The following NUTM2B variants were observed in gnomAD, a reference collection of about 807,000 sequenced individuals.
The protein encoded by NUTM2B is family with sequence similarity 22, member B.
NUTM2B carries 2 observed loss-of-function variants against 42.4 expected under a neutral mutation model. The observed-to-expected ratio is 0.05, with a 90% confidence interval of 0.02 to 0.15. The LOEUF is 0.15. NUTM2B is among the 10% of genes least tolerant of loss of function. The pLI, the probability that NUTM2B is intolerant of heterozygous loss-of-function variation, is 1.00. For missense variants in NUTM2B, 58 were observed against 952.6 expected, an observed-to-expected ratio of 0.06 and a Z score of 12.36; for synonymous variants, 18 against 402.4, an observed-to-expected ratio of 0.04 and a Z score of 11.43.
the NUTM2B span, among the ~76,000 whole-genome samples, chr10:79,696,763 G>A: frequency 6.6e-6 from 1 of 152,218 alleles, no homozygotes; most frequent in Admixed American, 6.5e-5. Flanking sequence ...ACCTGATATA[G>A]GCACTAGCAT....
At chr10:79,700,788 C>A (rs891723790), upstream of NUTM2B, among the ~76,000 whole-genome samples, 4 of 152,220 alleles carry the variant, frequency 2.6e-5, no homozygotes, top group African/African-American at 9.6e-5. Flanking sequence ...CGCGCTGGAA[C>A]CTCGCCCGCC....
At chr10:79,707,055 G>C (rs1205236915) in intron 2 of NUTM2B, among the ~76,000 whole-genome samples, 2 of 122,188 alleles carry the variant, frequency 1.6e-5, no homozygotes, top group Non-Finnish European at 3.3e-5. Context: ...TACGGTTTGG[G>C]TTTAGGTCTT....
chr10:79,692,216 T>C, the NUTM2B span, among the ~76,000 whole-genome samples: 1 of 152,220 alleles, frequency 6.6e-6, no homozygotes, highest in Non-Finnish European at 1.5e-5. Context: ...AAATGGGCAG[T>C]TATGTTCCGT....
the NUTM2B span, among the ~76,000 whole-genome samples, chr10:79,698,174 A>AC: frequency 2.0e-5 from 3 of 149,000 alleles, 1 homozygote; most frequent in African/African-American, 7.4e-5. Context: ...ACAAAAAAAA[A>AC]AAAACCACAA....
At chr10:79,709,410 C>G (rs145573284) in intron 3 of NUTM2B, among the ~76,000 whole-genome samples, 19,851 of 131,842 alleles carry the variant, frequency 0.15, 4,834 homozygotes, top group East Asian at 0.42. Flanking sequence ...TCCCAGGCCT[C>G]GTGCCCCTGG....
At chr10:79,695,309 A>C in the NUTM2B span, among the ~76,000 whole-genome samples, 1 of 152,190 alleles carries the variant, frequency 6.6e-6, no homozygotes, top group Non-Finnish European at 1.5e-5. Context: ...CCTCAGGCTG[A>C]GTATACATTT....
At chr10:79,695,006 G>A in the NUTM2B span, among the ~76,000 whole-genome samples, 6 of 152,176 alleles carry the variant, frequency 3.9e-5, no homozygotes, top group Non-Finnish European at 7.3e-5. Context: ...AGGCCGGAGC[G>A]AATCTGGCTG....
At chr10:79,707,483 G>A (rs1233332593) in intron 2 of NUTM2B, among the ~76,000 whole-genome samples, 5 of 124,220 alleles carry the variant, frequency 4.0e-5, no homozygotes, top group Admixed American at 8.5e-5. Context: ...CCAAAGCCAC[G>A]GGCTCCAGTG....
chr10:79,699,743 C>T (rs1201967283), upstream of NUTM2B, among the ~76,000 whole-genome samples: 1 of 152,142 alleles, frequency 6.6e-6, no homozygotes. Flanking sequence ...GTGCCCGGCC[C>T]AGTTATGACA....
chr10:79,709,754 G>T lies in NUTM2B; in HGVS notation c.1212-46G>T, dbSNP rs1258701274. The T allele has an allele frequency of 8.8e-6, 5 of 568,192 alleles. 1 individual carries two copies. In the East Asian group the frequency reaches 1.9e-4, roughly 21 times the overall value. 35.2% of individuals were successfully genotyped at this position (568,192 alleles called of 1,614,324 possible). A position where few individuals can be genotyped will look rare whatever the true frequency, so the allele number is the denominator to read the frequency against. On this transcript the variant is annotated intron_variant, in intron 3 of 6. Coordinates refer to ENST00000429828, the Ensembl canonical transcript of NUTM2B. ...GGCCGCTGCCTGGTCCTGCGGGGAG[G>T]GGGCCTGGACCCTCTCAGCACAGCC...
chr10:79,710,922 GTGTT>G (rs1478865049), intron 5 of NUTM2B, among the ~76,000 whole-genome samples, 158 bp downstream of exon 5: 2 of 133,120 alleles, frequency 1.5e-5, no homozygotes, highest in African/African-American at 2.8e-5. Flanking sequence ...GTGTTGCTGT[GTGTT>G]TGTGTCTGTG....
At chr10:79,709,665 G>A in intron 3 of NUTM2B, 135 bp from the exon 4 acceptor site, 1 of 1,279,660 alleles carries the variant, frequency 7.8e-7, no homozygotes, top group Non-Finnish European at 1.0e-6. Context: ...CCTGGGACTG[G>A]GGGATGGGAC....
the NUTM2B span, among the ~76,000 whole-genome samples, chr10:79,695,464 C>G: frequency 6.6e-6 from 1 of 152,204 alleles, no homozygotes; most frequent in African/African-American, 2.4e-5. Flanking sequence ...AACACATATT[C>G]TCAACACTGG....
chr10:79,711,956 G>A (rs1840507457), exon 7 of NUTM2B: 1 of 1,488,316 alleles, frequency 6.7e-7, no homozygotes, highest in Non-Finnish European at 9.0e-7. Flanking sequence ...CTTTTGGGAT[G>A]TCAGGATTCC....
intron 2 of NUTM2B, among the ~76,000 whole-genome samples, 174 bp downstream of exon 2, chr10:79,706,915 G>A (rs1428917634): frequency 2.7e-5 from 3 of 109,740 alleles, no homozygotes; most frequent in Non-Finnish European, 5.2e-5. Flanking sequence ...GCTCAGGACA[G>A]ACTGTCAGGG....
chr10:79,692,511 TC>T, the NUTM2B span, among the ~76,000 whole-genome samples: 7 of 152,122 alleles, frequency 4.6e-5, no homozygotes, highest in African/African-American at 1.7e-4. Flanking sequence ...TTGAGAAACT[TC>T]CCTGCCACTG....
chr10:79,700,458 T>C (rs1431253544), upstream of NUTM2B, among the ~76,000 whole-genome samples: 1 of 152,246 alleles, frequency 6.6e-6, no homozygotes, highest in Non-Finnish European at 1.5e-5. Flanking sequence ...CAGGGCCAGG[T>C]GAGCAAGGGA....
the NUTM2B span, among the ~76,000 whole-genome samples, chr10:79,692,903 G>A: frequency 6.6e-6 from 1 of 152,106 alleles, no homozygotes; most frequent in Non-Finnish European, 1.5e-5. Context: ...GTCTTGATCT[G>A]CAAGAAGGAC....
chr10:79,694,725 C>T, the NUTM2B span, among the ~76,000 whole-genome samples: 1 of 152,278 alleles, frequency 6.6e-6, no homozygotes, highest in South Asian at 2.1e-4. Context: ...CAGGGGAAAC[C>T]GAATCCATTC....
Sources: allele counts gnomAD v4.1 joint callset (sites outside exome capture counted in the v4.1 genomes callset), GRCh38; gene constraint gnomAD v4.1.1; transcripts MANE v1.5; gene names NCBI Gene and HGNC (gene_info 2026-07-23, HGNC 2026-07-21).